ZNF215: variants seen among roughly 807,000 people sequenced by gnomAD.
ZNF215 encodes zinc finger protein 215.
A neutral mutation model predicts 27.2 loss-of-function variants in ZNF215; 24 were observed. That is an observed-to-expected ratio of 0.88 (90% CI 0.64 to 1.24). ZNF215 has a LOEUF of 1.24. ZNF215 is among the 50% of genes most tolerant of loss of function. ZNF215 has a pLI of 0.00. For synonymous variants in ZNF215, 210 were observed against 204.0 expected (o/e 1.03, Z -0.25); for missense variants, 675 against 605.7 (o/e 1.11, Z -1.20).
chr11:6,930,292 A>C (rs1219285293), intron 2 of ZNF215, among the ~76,000 whole-genome samples: 3 of 152,166 alleles, frequency 2.0e-5, no homozygotes, highest in Non-Finnish European at 2.9e-5. Context: ...TCTTGCTTCT[A>C]GACCTACTTA....
chr11:6,937,634 A>G (rs900222891), intron 3 of ZNF215, among the ~76,000 whole-genome samples: 2 of 151,962 alleles, frequency 1.3e-5, no homozygotes, highest in African/African-American at 4.8e-5. Flanking sequence ...AACTCACTAA[A>G]AAGCTGCAAT....
intron 6 of ZNF215, among the ~76,000 whole-genome samples, chr11:6,946,926 G>T (rs1343697261): frequency 1.3e-5 from 2 of 152,078 alleles, no homozygotes; most frequent in Non-Finnish European, 2.9e-5. Context: ...TTTAGTAAAG[G>T]GCTGTTTATG....
intron 5 of ZNF215, among the ~76,000 whole-genome samples, chr11:6,969,030 A>G (rs114639574): frequency 0.011 from 1,641 of 152,232 alleles, 35 homozygotes; most frequent in African/African-American, 0.037. Context: ...GTCACTGGCC[A>G]TATCTTTCCA....
chr11:6,960,439 C>A (rs1850493733), downstream of ZNF215, among the ~76,000 whole-genome samples: 1 of 152,126 alleles, frequency 6.6e-6, no homozygotes, highest in Non-Finnish European at 1.5e-5. Context: ...AAGAAAGGAG[C>A]TCCATAACTC....
chr11:6,981,823 A>T (rs1170131662), intron 5 of ZNF215, among the ~76,000 whole-genome samples: 6 of 152,018 alleles, frequency 3.9e-5, no homozygotes, highest in African/African-American at 1.4e-4. Flanking sequence ...AGCTTTCTAC[A>T]TATGGCTAGC....
At chr11:6,972,106 T>A (rs1032222709) in intron 5 of ZNF215, among the ~76,000 whole-genome samples, 2 of 152,126 alleles carry the variant, frequency 1.3e-5, no homozygotes, top group African/African-American at 4.8e-5. Context: ...TACTATTATC[T>A]GGGAAACTAC....
rs528894459 is a variant in ZNF215 at position 6,972,283 on chromosome 11, A to G, written c.806-11846A>G. Among the ~76,000 whole-genome samples, 14 of 152,274 alleles carry G rather than the reference A, an allele frequency of 9.2e-5. No homozygotes were observed. The East Asian group carries it at 2.7e-3, about 29-fold the overall frequency. On this transcript the variant is annotated intron_variant, in intron 5 of 5. Transcript: ENST00000529903. ...TACTCAATTTTTTACAAAAGCAGCC[A>G]TAAACAATACATAATGAATGGGTAT...
intron 5 of ZNF215, among the ~76,000 whole-genome samples, chr11:6,968,371 T>C (rs767715069): frequency 2.3e-4 from 35 of 152,182 alleles, no homozygotes; most frequent in Non-Finnish European, 5.9e-5. Flanking sequence ...TAAATTACGT[T>C]GGGCGGTATG....
At chr11:6,980,336 T>C (rs1246797477) in intron 5 of ZNF215, among the ~76,000 whole-genome samples, 2 of 152,084 alleles carry the variant, frequency 1.3e-5, no homozygotes, top group Non-Finnish European at 2.9e-5. Context: ...TATAGCAATG[T>C]TCTGTAATCA....
chr11:6,975,344 G>T (rs530898539), intron 5 of ZNF215, among the ~76,000 whole-genome samples: 8 of 151,956 alleles, frequency 5.3e-5, no homozygotes, highest in Admixed American at 2.6e-4. Context: ...ATCATGGAGA[G>T]TAGGGTATCC....
intron 5 of ZNF215, among the ~76,000 whole-genome samples, chr11:6,965,857 G>A (rs1275508854): frequency 6.6e-6 from 1 of 151,956 alleles, no homozygotes; most frequent in Non-Finnish European, 1.5e-5. Flanking sequence ...TTTTAGTTCT[G>A]TCTTCAGTAT....
At chr11:6,969,128 G>T (rs989828250) in intron 5 of ZNF215, among the ~76,000 whole-genome samples, 3 of 152,126 alleles carry the variant, frequency 2.0e-5, no homozygotes, top group Admixed American at 6.6e-5. Flanking sequence ...ATTTCTAAAT[G>T]AAATCCAAAA....
At chr11:6,943,933 AG>A (rs34614069) in intron 6 of ZNF215, among the ~76,000 whole-genome samples, 40,310 of 152,044 alleles carry the variant, frequency 0.27, 5,671 homozygotes, top group African/African-American at 0.36. Flanking sequence ...ATCTACCTCC[AG>A]GTTACTGTGA....
At chr11:6,955,628 G>C (rs148176391) in intron 6 of ZNF215, 62 bp from the exon 7 acceptor site, 16 of 1,511,908 alleles carry the variant, frequency 1.1e-5, no homozygotes, top group East Asian at 2.3e-5. Flanking sequence ...ATACAGTTCA[G>C]CCTCCATTTC....
chr11:6,944,225 A>G (rs2638104), intron 6 of ZNF215, among the ~76,000 whole-genome samples: 140,231 of 151,242 alleles, frequency 0.93, 65,136 homozygotes, highest in Non-Finnish European at 0.95. Context: ...GCAGTGAGCC[A>G]AGATCGCACC....
chr11:6,955,160 C>A (rs1850276534), intron 6 of ZNF215, among the ~76,000 whole-genome samples: 2 of 152,004 alleles, frequency 1.3e-5, no homozygotes, highest in Admixed American at 6.6e-5. Context: ...GTTCTTTTTG[C>A]CTTTGTTATA....
intron 3 of ZNF215, among the ~76,000 whole-genome samples, chr11:6,934,866 T>C (rs180833513): frequency 2.7e-3 from 418 of 152,194 alleles, no homozygotes; most frequent in Non-Finnish European, 4.2e-3. Context: ...TTAAAAAAAA[T>C]AGGTATGAGG....
rs1368616580 is a variant in ZNF215, at chr11:6,932,180, T to A, written c.-93T>A. 1 of 1,459,212 alleles carries A rather than the reference T, an allele frequency of 6.9e-7. No individual in the cohort carries two copies. Among genetic ancestry groups the A allele is most frequent in the African/African-American group, 1.4e-5 (1 of 70,610 alleles). The allele number at this position is 1,459,212 out of a possible 1,614,324, so 90.4% of individuals were successfully genotyped here. ...TGAAATAACTTGGCTTAAATCACAC[T>A]GCATATAGTACACAGGTGCTTAGCT... On this transcript the variant is annotated 5_prime_UTR_variant, in exon 3 of 7. Coordinates refer to ENST00000278319, the MANE Select transcript of ZNF215 (RefSeq NM_013250.4).
chr11:6,946,547 G>A (rs922825518), intron 6 of ZNF215, among the ~76,000 whole-genome samples: 3 of 152,182 alleles, frequency 2.0e-5, no homozygotes, highest in Non-Finnish European at 4.4e-5. Flanking sequence ...TGTGGCTTGT[G>A]TTCTCCCATC....
Sources: gnomAD v4.1 joint callset for allele counts (sites outside exome capture counted in the v4.1 genomes callset) on GRCh38, gnomAD v4.1.1 for gene constraint, MANE v1.5 for transcripts, NCBI Gene and HGNC (gene_info 2026-07-23, HGNC 2026-07-21) for gene names.